EXOC7: variants seen among roughly 807,000 people sequenced by gnomAD.
The protein encoded by EXOC7 is exocyst complex component Exo70.
In EXOC7, 51 loss-of-function variants were observed where a neutral mutation model predicts 87.6. That is an observed-to-expected ratio of 0.58 (90% CI 0.46 to 0.73). The LOEUF (loss-of-function observed/expected upper bound fraction) is 0.73. Among genes scored for constraint, EXOC7 ranks in the 30% least tolerant of loss-of-function variants. The pLI is 0.00. For missense variants in EXOC7, 744 were observed against 888.4 expected (o/e 0.84, Z 2.07); for synonymous variants, 327 against 357.1 (o/e 0.92, Z 0.95).
Position 76,089,234 on chromosome 17 carries a change from G to T in EXOC7, c.988C>A (p.Leu330Met). The T allele has an allele frequency of 6.2e-7, 1 of 1,614,128 alleles. No individual in the cohort carries two copies. The highest frequency in any genetic ancestry group is 8.5e-7 in the Non-Finnish European group (1 of 1,180,010). The change falls in exon 8 of 19, where the codon CTG becomes ATG. Residue 330 changes from leucine (L) to methionine (M), a missense_variant. By Grantham distance (15) the Leu-to-Met change is conservative. Transcript: ENST00000589210. Reference protein sequence around the residue: ...FVKLAQSEYQLLADIIPEHHQ... With the variant: ...FVKLAQSEYQMLADIIPEHHQ... ...TGCTCGGGGATGATGTCGGCCAGCA[G>T]CTGGTACTCGCTCTGCGCCAGCTTG...
Position 76,081,922 on chromosome 17 carries a change from C to A in EXOC7, c.*1726G>T. The A allele has an allele frequency of 6.2e-7, 1 of 1,613,236 alleles. No homozygotes were observed. The highest frequency in any genetic ancestry group is 8.5e-7 in the Non-Finnish European group (1 of 1,179,770). On this transcript the variant is annotated 3_prime_UTR_variant, in exon 19 of 19. Coordinates refer to ENST00000589210, the MANE Select transcript of EXOC7 (RefSeq NM_001013839.4). Reference sequence around the variant, plus strand: ...TCCTGCTGCTGCTGCTCTTCCTCAGCACCATAGAGACTGTGCTGCTGGCTG... The same window carrying A: ...TCCTGCTGCTGCTGCTCTTCCTCAGAACCATAGAGACTGTGCTGCTGGCTG...
intron 2 of EXOC7, chr17:76,103,121 C>T (rs2068155535): frequency 5.4e-6 from 3 of 555,672 alleles, no homozygotes; most frequent in Non-Finnish European, 9.7e-6. Context: ...GAATGGCGAG[C>T]TTAGACAGAA....
At chr17:76,085,969 G>A (rs1486297690) in intron 13 of EXOC7, 111 bp downstream of exon 13, 1 of 1,510,874 alleles carries the variant, frequency 6.6e-7, no homozygotes, top group Non-Finnish European at 9.0e-7. Flanking sequence ...CCAAAGATCA[G>A]ATGGCACTTA....
At chr17:76,100,708 C>T (rs1049571449) in intron 4 of EXOC7, among the ~76,000 whole-genome samples, 1 of 151,972 alleles carries the variant, frequency 6.6e-6, no homozygotes, top group African/African-American at 2.4e-5. Context: ...AAAAATCAAA[C>T]GTGGCTGGGT....
At chr17:76,090,540 C>T in intron 7 of EXOC7, 1 of 1,505,154 alleles carries the variant, frequency 6.6e-7, no homozygotes, top group South Asian at 1.2e-5. Context: ...CGGAGAGGGC[C>T]CTGAGCCCCT....
At chr17:76,097,009 A>G (rs559146147) in intron 5 of EXOC7, among the ~76,000 whole-genome samples, 1 of 151,888 alleles carries the variant, frequency 6.6e-6, no homozygotes, top group South Asian at 2.1e-4. Flanking sequence ...GCGTCACCAC[A>G]CCCAGCTAAT....
At chr17:76,089,593 G>A (rs1448003199) in intron 7 of EXOC7, 43 of 515,306 alleles carry the variant, frequency 8.3e-5, no homozygotes, top group Non-Finnish European at 9.9e-5. Context: ...AGTGACGGAT[G>A]GAAAGATAAG....
In EXOC7 at chr17:76,082,707, G is replaced by A. The variant is rs1456889202; in HGVS notation, c.*941C>T. ...GGATGAAGTTTGCTTTCCCATGGCT[G>A]GGGGCGGGCCATGACAGGGCCTCTG... On this transcript the variant is annotated 3_prime_UTR_variant, in exon 19 of 19. Transcript: ENST00000589210. 4 of 1,520,498 alleles carry A rather than the reference G, an allele frequency of 2.6e-6. No individual in the cohort carries two copies. Among genetic ancestry groups the A allele is most frequent in the Non-Finnish European group, 3.5e-6 (4 of 1,133,052 alleles). The allele number at this position is 1,520,498 out of a possible 1,614,324, so 94.2% of individuals were successfully genotyped here. A position where few individuals can be genotyped will look rare whatever the true frequency, so the allele number is the denominator to read the frequency against.
chr17:76,091,253 C>A lies in EXOC7; in HGVS notation c.809-18G>T. 1 of 1,609,814 alleles carries A rather than the reference C, an allele frequency of 6.2e-7. No homozygotes were observed. On this transcript the variant is annotated intron_variant, in intron 6 of 18. Coordinates refer to ENST00000589210, the MANE Select transcript of EXOC7 (RefSeq NM_001013839.4). ...GATCGTCCCTGTCACCAGAGCCACA[C>A]AGAGAGGAGATAAGAAGACCTAGGA...
At position 76,081,143 on chromosome 17, in the gene EXOC7, G is replaced by C; in HGVS notation, c.*2505C>G. 3 of 1,267,354 alleles carry C rather than the reference G, an allele frequency of 2.4e-6. No homozygotes were observed. The highest frequency in any genetic ancestry group is 3.3e-6 in the Non-Finnish European group (3 of 908,842). The allele number at this position is 1,267,354 out of a possible 1,614,324, so 78.5% of individuals were successfully genotyped here. ...GGTTTGGGAAGCCCTTCTATGGATC[G>C]GTTTTGTGTCCAAGTCTGTCCCTGC... On this transcript the variant is annotated 3_prime_UTR_variant, in exon 19 of 19. Transcript: ENST00000589210.
chr17:76,091,716 C>G (rs897535941), intron 6 of EXOC7: 2 of 155,160 alleles, frequency 1.3e-5, no homozygotes, highest in African/African-American at 4.8e-5. Flanking sequence ...TTGGGACGTA[C>G]GCCAAACAGC....
chr17:76,089,884 G>C (rs1203312591), intron 7 of EXOC7: 2 of 182,812 alleles, frequency 1.1e-5, no homozygotes, highest in African/African-American at 4.7e-5. Context: ...TCCCAGAGAG[G>C]AGGGGTTGCC....
At position 76,089,209 on chromosome 17, in the gene EXOC7, T is replaced by C; in HGVS notation, c.1013A>G (p.His338Arg). Residue 338 changes from histidine to arginine, a missense_variant, in exon 8 of 19, where the codon CAC becomes CGC. This residue lies in a region of EXOC7 where 512 missense variants were observed against 573.0 expected (regional missense o/e 0.89). Coordinates refer to ENST00000589210, the MANE Select transcript of EXOC7 (RefSeq NM_001013839.4). ...YQLLADIIPEHHQKKTFDSLI... is the reference protein window; with the variant it reads ...YQLLADIIPERHQKKTFDSLI... ...GGAGTCGAAGGTCTTCTTCTGGTGGTGCTCGGGGATGATGTCGGCCAGCAG... is the reference window on the plus strand; with the variant it reads ...GGAGTCGAAGGTCTTCTTCTGGTGGCGCTCGGGGATGATGTCGGCCAGCAG... 6.2e-7 allele frequency: 1 copy of C among 1,613,834 alleles called. No homozygotes were observed. The highest frequency in any genetic ancestry group is 1.1e-5 in the South Asian group (1 of 91,064).
intron 12 of EXOC7, chr17:76,087,259 GC>G (rs2067253090): frequency 1.4e-5 from 5 of 369,478 alleles, no homozygotes; most frequent in South Asian, 1.3e-4. Context: ...GCAGGAAGAC[GC>G]CCAGCGGGCC....
In EXOC7 at chr17:76,082,308, C is replaced by A; in HGVS notation, c.*1340G>T. ...ACAGCCTAAGAGGGTGTTTCTTCAA[C>A]TGAAGATGGCCTGAAATGGGCCAGA... On this transcript the variant is annotated 3_prime_UTR_variant, in exon 19 of 19. Transcript: ENST00000589210. 1.2e-6 allele frequency: 1 copy of A among 851,288 alleles called. No individual in the cohort carries two copies. The highest frequency in any genetic ancestry group is 1.8e-6 in the Non-Finnish European group (1 of 564,644). 52.7% of individuals were successfully genotyped at this position (851,288 alleles called of 1,614,324 possible). A position where few individuals can be genotyped will look rare whatever the true frequency, so the allele number is the denominator to read the frequency against.
At position 76,103,358 on chromosome 17, in the gene EXOC7, C is replaced by T; in HGVS notation, c.126+3G>A. ...CCTCTCCCCCAGCTGCGGGGAGACT[C>T]ACCATGTTCTTAGTGAGCTGGTCGC... On this transcript the variant is annotated splice_donor_region_variant and intron_variant, in intron 2 of 18. Transcript: ENST00000589210. 3 of 1,597,118 alleles carry T rather than the reference C, an allele frequency of 1.9e-6. No homozygotes were observed. The highest frequency in any genetic ancestry group is 2.6e-6 in the Non-Finnish European group (3 of 1,171,556).
Position 76,086,066 on chromosome 17 carries a change from G to A in EXOC7, c.1495+14C>T, listed in dbSNP as rs560173010. The A allele has an allele frequency of 1.1e-5, 17 of 1,613,142 alleles. No individual in the cohort carries two copies. The highest frequency in any genetic ancestry group is 1.6e-4 in the Middle Eastern group (1 of 6,062). On this transcript the variant is annotated intron_variant, in intron 13 of 18. Transcript: ENST00000589210. ...AGGCAGCAGGGCTGCTGGTCTGCCCGGGAGAACACTCACAGATATAGGTGC... is the reference window on the plus strand; with the variant it reads ...AGGCAGCAGGGCTGCTGGTCTGCCCAGGAGAACACTCACAGATATAGGTGC...
In EXOC7 at chr17:76,084,030, T is replaced by A; in HGVS notation, c.1928A>T (p.Glu643Val). The A allele has an allele frequency of 6.2e-7, 1 of 1,601,374 alleles. No homozygotes were observed. Among genetic ancestry groups the A allele is most frequent in the Non-Finnish European group, 8.5e-7 (1 of 1,175,084 alleles). ...IRQAQKTIVKETYGAFLQKFG... is the reference protein window; with the variant it reads ...IRQAQKTIVKVTYGAFLQKFG... ...CTTCTGTAGAAAGGCCCCGTAGGTC[T>A]CCTTGACAATGGTCTTCTGGGCCTG... Residue 643 changes from glutamate to valine, a missense_variant, in exon 18 of 19, where the codon GAG becomes GTG. This residue lies in a region of EXOC7 where 228 missense variants were observed against 298.6 expected (regional missense o/e 0.76). Transcript: ENST00000589210.
intron 4 of EXOC7, among the ~76,000 whole-genome samples, chr17:76,099,212 A>T (rs1232519870): frequency 1.3e-5 from 2 of 152,144 alleles, no homozygotes; most frequent in African/African-American, 4.8e-5. Flanking sequence ...ATGGCTAAAG[A>T]AAATGTGGTC....
Sources: gnomAD v4.1 joint callset for allele counts (sites outside exome capture counted in the v4.1 genomes callset) on GRCh38, gnomAD v4.1.1 for gene constraint, gnomAD v4.1.1 regional missense constraint, MANE v1.5 for transcripts, NCBI Gene and HGNC (gene_info 2026-07-23, HGNC 2026-07-21) for gene names.